LVRN: variants seen among roughly 807,000 people sequenced by gnomAD.
LVRN encodes aminopeptidase Q.
In LVRN, 99 loss-of-function variants were observed where a neutral mutation model predicts 111.4. The ratio of observed to expected loss-of-function variants is 0.89; its 90% CI spans 0.76 to 1.05. The LOEUF (loss-of-function observed/expected upper bound fraction) is 1.05. LVRN is among the 50% of genes least tolerant of loss of function. LVRN has a pLI of 0.00. For missense variants in LVRN, 1,414 were observed against 1,206.8 expected (o/e 1.17, Z -2.54); for synonymous variants, 488 against 449.5 (o/e 1.09, Z -1.08).
At chr5:115,986,127 A>G in intron 3 of LVRN, among the ~76,000 whole-genome samples, 1 of 152,230 alleles carries the variant, frequency 6.6e-6, no homozygotes, top group East Asian at 1.9e-4. Context: ...ACCGTTTTAG[A>G]TGCAAATGGC....
intron 15 of LVRN, among the ~76,000 whole-genome samples, chr5:116,013,550 G>A (rs886893583): frequency 1.3e-5 from 2 of 152,070 alleles, no homozygotes; most frequent in Non-Finnish European, 2.9e-5. Flanking sequence ...GATTGGGATG[G>A]GTGAGGAGAG....
At chr5:115,969,994 CT>C (rs906714939) in intron 1 of LVRN, among the ~76,000 whole-genome samples, 5 of 151,712 alleles carry the variant, frequency 3.3e-5, no homozygotes, top group African/African-American at 7.3e-5. Context: ...CTATTAACTT[CT>C]TTTTCCTGGG....
rs998966581 is a variant in LVRN, at chr5:115,986,028, C to T, written c.978+1319C>T. On this transcript the variant is annotated intron_variant, in intron 3 of 19. Transcript: ENST00000357872. ...GGAGAATTACTCAAAGCTACTCCTC[C>T]TTTACAACTCCTAACCTAGTGATGA... is the stretch of plus-strand genomic sequence containing the variant. Among the ~76,000 whole-genome samples, 84 of 152,226 alleles carry T rather than the reference C, an allele frequency of 5.5e-4. 1 individual carries two copies. Among genetic ancestry groups the T allele is most frequent in the African/African-American group, 1.9e-3 (80 of 41,462 alleles).
intron 4 of LVRN, among the ~76,000 whole-genome samples, chr5:115,990,577 G>A (rs1305572657): frequency 6.6e-6 from 1 of 151,946 alleles, no homozygotes; most frequent in South Asian, 2.1e-4. Flanking sequence ...TTATTTTTAT[G>A]TATTCATTTT....
At chr5:115,998,643 C>T (rs947004759) in intron 6 of LVRN, among the ~76,000 whole-genome samples, 2 of 152,160 alleles carry the variant, frequency 1.3e-5, no homozygotes, top group Admixed American at 6.5e-5. Context: ...ATGCAGATGA[C>T]TCCTCCAAAT....
intron 10 of LVRN, among the ~76,000 whole-genome samples, chr5:116,001,926 C>A (rs1307122543): frequency 6.6e-6 from 1 of 152,182 alleles, no homozygotes; most frequent in Non-Finnish European, 1.5e-5. Context: ...GCCTTTATCC[C>A]TTTCTTCTTC....
At chr5:115,985,360 A>C (rs935704524) in intron 3 of LVRN, among the ~76,000 whole-genome samples, 1 of 152,140 alleles carries the variant, frequency 6.6e-6, no homozygotes, top group Non-Finnish European at 1.5e-5. Flanking sequence ...GGGTGGCCAC[A>C]AGACAAGTAG....
chr5:116,005,798 G>A, intron 12 of LVRN, 114 bp from the exon 13 acceptor site: 1 of 805,716 alleles, frequency 1.2e-6, no homozygotes, highest in South Asian at 1.4e-5. Flanking sequence ...GATGAGATAA[G>A]TCACGTGAAG....
chr5:116,017,983 A>G (rs1220331277), intron 18 of LVRN, among the ~76,000 whole-genome samples: 2 of 152,180 alleles, frequency 1.3e-5, no homozygotes, highest in Non-Finnish European at 2.9e-5. Context: ...TGTTTAGTCT[A>G]GGCATGGTGG....
chr5:115,978,961 C>T (rs1226287940), intron 1 of LVRN, among the ~76,000 whole-genome samples: 1 of 151,992 alleles, frequency 6.6e-6, no homozygotes, highest in African/African-American at 2.4e-5. Context: ...CTCTTTTTTT[C>T]TACAATTTCC....
chr5:116,020,641 G>A (rs1179529579), intron 18 of LVRN, among the ~76,000 whole-genome samples: 4 of 152,210 alleles, frequency 2.6e-5, no homozygotes, highest in African/African-American at 9.6e-5. Flanking sequence ...AGGAGCACAA[G>A]CAAAGTGAGA....
At chr5:115,966,013 A>G (rs1310757496) in intron 1 of LVRN, among the ~76,000 whole-genome samples, 2 of 152,212 alleles carry the variant, frequency 1.3e-5, no homozygotes, top group Non-Finnish European at 2.9e-5. Context: ...AAGATAATAT[A>G]GAGAGGTCCT....
In LVRN at chr5:116,026,951, G is replaced by C. The variant is rs1748880815; in HGVS notation, c.*833G>C. 6.6e-6 allele frequency: 1 copy of C among 152,160 alleles called. No homozygotes were observed. The highest frequency in any genetic ancestry group is 1.5e-5 in the Non-Finnish European group (1 of 68,044). 9.4% of individuals were successfully genotyped at this position (152,160 alleles called of 1,614,324 possible). ...TGTCAAAAGACAATAGCAAGTATAG[G>C]CTACTATTTAGGGCAAAAGGAATCT... On this transcript the variant is annotated 3_prime_UTR_variant, in exon 20 of 20. Coordinates refer to ENST00000357872, the MANE Select transcript of LVRN (RefSeq NM_173800.5).
intron 1 of LVRN, among the ~76,000 whole-genome samples, chr5:115,977,251 G>A (rs73259369): frequency 0.055 from 8,386 of 152,158 alleles, 762 homozygotes; most frequent in African/African-American, 0.19. Context: ...AGCTGTCTAG[G>A]TGTCCCTGAA....
chr5:116,009,088 A>G (rs1349173099), intron 13 of LVRN, among the ~76,000 whole-genome samples: 2 of 152,178 alleles, frequency 1.3e-5, no homozygotes, highest in South Asian at 2.1e-4. Flanking sequence ...TGGTAGCTTT[A>G]AGTTGAAGCC....
chr5:116,010,635 A>T, intron 13 of LVRN, 106 bp from the exon 14 acceptor site: 1 of 1,183,126 alleles, frequency 8.5e-7, no homozygotes, highest in Non-Finnish European at 1.2e-6. Context: ...ACTTATTCAC[A>T]TGCCTTATTG....
Position 115,983,291 on chromosome 5 carries a change from C to G in LVRN, c.700C>G (p.Leu234Val), listed in dbSNP as rs772139459. ...TTTCCCCAAAATGTATTTCAGGGCC[C>G]TGTTAGCGTCCCAGCTGGAACCAAC... ...VYTDQGERRA[L>V]LASQLEPTFA... The change falls in exon 2 of 20, where the codon CTG (leucine) becomes GTG (valine). Residue 234 changes from leucine (L) to valine (V), a missense_variant. Coordinates refer to ENST00000357872, the MANE Select transcript of LVRN (RefSeq NM_173800.5). 5 of 1,582,656 alleles carry G rather than the reference C, an allele frequency of 3.2e-6. No homozygotes were observed. The highest frequency in any genetic ancestry group is 1.4e-5 in the African/African-American group (1 of 72,994).
At chr5:115,984,810 C>A (rs148206758) in intron 3 of LVRN, 101 bp downstream of exon 3, 4 of 1,471,204 alleles carry the variant, frequency 2.7e-6, no homozygotes, top group Non-Finnish European at 3.7e-6. Context: ...ATCCCCAAAT[C>A]GCTTCCTAGT....
intron 19 of LVRN, among the ~76,000 whole-genome samples, chr5:116,025,461 G>T (rs1020725127): frequency 4.6e-5 from 7 of 152,022 alleles, no homozygotes; most frequent in African/African-American, 1.7e-4. Context: ...ACATAATATT[G>T]CAACAAATGT....
Sources: allele counts gnomAD v4.1 joint callset (sites outside exome capture counted in the v4.1 genomes callset), GRCh38; gene constraint gnomAD v4.1.1; transcripts MANE v1.5; gene names NCBI Gene and HGNC (gene_info 2026-07-23, HGNC 2026-07-21).